Variants in CAMK2G observed in about 807,000 individuals in gnomAD.
CAMK2G encodes calcium/calmodulin dependent protein kinase II gamma.
CAMK2G carries 23 observed loss-of-function variants against 88.7 expected under a neutral mutation model. That is an observed-to-expected ratio of 0.26 (90% CI 0.19 to 0.37). CAMK2G has a LOEUF of 0.37. Ranked by LOEUF, CAMK2G falls within the 10% of genes least tolerant of loss-of-function variation. The probability of loss-of-function intolerance (pLI) is 1.00; values close to 1 mark genes in which losing one functional copy is unlikely to be tolerated. For missense variants in CAMK2G, 476 were observed against 780.8 expected, an observed-to-expected ratio of 0.61 and a Z score of 4.65; for synonymous variants, 263 against 294.8, an observed-to-expected ratio of 0.89 and a Z score of 1.11.
chr10:73,874,440 T>G lies in CAMK2G; in HGVS notation c.22A>C (p.Thr8Pro). The G allele has an allele frequency of 6.6e-7, 1 of 1,521,190 alleles. No individual in the cohort carries two copies. The highest frequency in any genetic ancestry group is 8.9e-7 in the Non-Finnish European group (1 of 1,125,808). The allele number at this position is 1,521,190 out of a possible 1,614,324, so 94.2% of individuals were successfully genotyped here. A position where few individuals can be genotyped will look rare whatever the true frequency, so the allele number is the denominator to read the frequency against. The change falls in exon 1 of 23, where the codon ACC (threonine) becomes CCC (proline). Residue 8 changes from threonine to proline, a missense_variant. Around this residue, in one of 3 missense-constraint regions of CAMK2G, gnomAD observed 34 missense variants for 28.7 expected, o/e 1.19. Coordinates refer to ENST00000423381, the MANE Select transcript of CAMK2G (RefSeq NM_001367534.1). MATTATCTRFTDDYQLFE... is the reference protein window; with the variant it reads MATTATCPRFTDDYQLFE... ...AGCTGGTAGTCGTCGGTGAAACGGG[T>G]GCAGGTGGCGGTGGTGGCCATGCTG...
chr10:73,828,894 C>T (rs1165671984), intron 14 of CAMK2G, among the ~76,000 whole-genome samples: 1 of 152,112 alleles, frequency 6.6e-6, no homozygotes, highest in Non-Finnish European at 1.5e-5. Flanking sequence ...GTGAAACAGA[C>T]GCATCAAGAT....
At chr10:73,854,041 C>G (rs139598112) in intron 3 of CAMK2G, among the ~76,000 whole-genome samples, 1 of 152,234 alleles carries the variant, frequency 6.6e-6, no homozygotes, top group African/African-American at 2.4e-5. Flanking sequence ...TAACAAAGGC[C>G]AAAGAGCTTC....
intron 2 of CAMK2G, among the ~76,000 whole-genome samples, chr10:73,871,642 G>C (rs904096867): frequency 6.6e-6 from 1 of 152,042 alleles, no homozygotes; most frequent in East Asian, 1.9e-4. Flanking sequence ...CCACTCCAGG[G>C]TATCTGACTG....
At chr10:73,827,703 A>G (rs2091423090) in intron 15 of CAMK2G, among the ~76,000 whole-genome samples, 1 of 152,154 alleles carries the variant, frequency 6.6e-6, no homozygotes, top group African/African-American at 2.4e-5. Context: ...CCCACCACAC[A>G]GTTGCCCTCC....
At chr10:73,864,416 T>C (rs959640235) in intron 2 of CAMK2G, among the ~76,000 whole-genome samples, 1 of 151,884 alleles carries the variant, frequency 6.6e-6, no homozygotes, top group African/African-American at 2.4e-5. Flanking sequence ...GACACTCTAG[T>C]GGGTTGTGTA....
chr10:73,858,215 T>TCTGACCACAGGCAGGG (rs774894306), intron 3 of CAMK2G, among the ~76,000 whole-genome samples: 27 of 152,326 alleles, frequency 1.8e-4, no homozygotes, highest in African/African-American at 5.1e-4. Flanking sequence ...TGCCTCCGAG[T>TCTGACCACAGGCAGGG]CTGACCACAG....
intron 14 of CAMK2G, among the ~76,000 whole-genome samples, chr10:73,828,438 C>T (rs974789032): frequency 2.0e-5 from 3 of 152,154 alleles, no homozygotes; most frequent in African/African-American, 4.8e-5. Context: ...GGTTAAGTAT[C>T]ATTTTGCTAC....
At chr10:73,826,531 C>G (rs1171257119) in intron 15 of CAMK2G, among the ~76,000 whole-genome samples, 2 of 152,148 alleles carry the variant, frequency 1.3e-5, no homozygotes, top group Non-Finnish European at 2.9e-5. Flanking sequence ...AGGCTGATCT[C>G]CAGGGCAGGG....
At chr10:73,845,592 A>G (rs12217834) in intron 10 of CAMK2G, among the ~76,000 whole-genome samples, 24,050 of 151,010 alleles carry the variant, frequency 0.16, 2,149 homozygotes, top group South Asian at 0.25. Flanking sequence ...AAAAAAAAAA[A>G]AGAGAAAACC....
chr10:73,873,666 C>T (rs1036004002), intron 1 of CAMK2G: 2 of 318,488 alleles, frequency 6.3e-6, no homozygotes, highest in African/African-American at 5.1e-5. Flanking sequence ...CCTTCCCATG[C>T]TATTTTCCTT....
Position 73,839,646 on chromosome 10 carries a change from C to CG in CAMK2G, c.947-46dup. The CG allele has an allele frequency of 8.7e-7, 1 of 1,150,344 alleles. No individual in the cohort carries two copies. Among genetic ancestry groups the CG allele is most frequent in the Non-Finnish European group, 1.1e-6 (1 of 912,402 alleles). The allele number at this position is 1,150,344 out of a possible 1,614,324, so 71.3% of individuals were successfully genotyped here. A position where few individuals can be genotyped will look rare whatever the true frequency, so the allele number is the denominator to read the frequency against. ...CAGTGCACAGAGCCCCGCAAAGCCA[C>CG]GGGGCCGTCAGCAGCGAGCATGCCC... On this transcript the variant is annotated intron_variant, in intron 12 of 22. Coordinates refer to ENST00000423381, the MANE Select transcript of CAMK2G (RefSeq NM_001367534.1). The surrounding 1 kb of genome is among the most constrained non-coding windows in gnomAD (Gnocchi z 4.2).
chr10:73,833,920 T>G (rs1195632118), intron 14 of CAMK2G, among the ~76,000 whole-genome samples: 1 of 128,056 alleles, frequency 7.8e-6, no homozygotes, highest in Non-Finnish European at 1.6e-5. Flanking sequence ...TTTTTTTTTT[T>G]TTTTTTTTTT....
chr10:73,835,722 A>G (rs2093121401), intron 14 of CAMK2G, among the ~76,000 whole-genome samples: 1 of 152,172 alleles, frequency 6.6e-6, no homozygotes, highest in Admixed American at 6.5e-5. Context: ...TTTGACATCA[A>G]TCTACCACAC....
intron 14 of CAMK2G, among the ~76,000 whole-genome samples, chr10:73,832,457 C>T (rs2092604976): frequency 6.6e-6 from 1 of 152,118 alleles, no homozygotes; most frequent in African/African-American, 2.4e-5. Flanking sequence ...CAGGCACGCA[C>T]CACCACGCCC....
intron 14 of CAMK2G, among the ~76,000 whole-genome samples, chr10:73,836,838 C>G (rs1417972016): frequency 6.6e-6 from 1 of 152,218 alleles, no homozygotes; most frequent in Admixed American, 6.5e-5. Context: ...CCATTCCCAG[C>G]AGGGCTCCTG....
intron 12 of CAMK2G, among the ~76,000 whole-genome samples, chr10:73,840,027 C>T (rs951511348): frequency 6.6e-6 from 1 of 152,144 alleles, no homozygotes; most frequent in Non-Finnish European, 1.5e-5. Flanking sequence ...GTGCCGGGGG[C>T]GCAGAGCAGC....
At chr10:73,867,369 G>T (rs1267633063) in intron 2 of CAMK2G, among the ~76,000 whole-genome samples, 1 of 152,244 alleles carries the variant, frequency 6.6e-6, no homozygotes, top group Non-Finnish European at 1.5e-5. Context: ...GCTCTCAAGG[G>T]CCAGAAAAGG....
intron 16 of CAMK2G, among the ~76,000 whole-genome samples, 178 bp downstream of exon 16, chr10:73,825,101 C>T (rs774262096): frequency 1.3e-5 from 2 of 152,166 alleles, no homozygotes; most frequent in Non-Finnish European, 1.5e-5. Context: ...GGATGGAGCG[C>T]GGCCAGGCGG....
intron 19 of CAMK2G, chr10:73,818,452 G>A (rs1475564753): frequency 8.7e-6 from 3 of 343,178 alleles, no homozygotes; most frequent in African/African-American, 4.3e-5. Flanking sequence ...CTTGGGTTGA[G>A]CTTGGGCTCA....
Sources: gnomAD v4.1 joint callset for allele counts (sites outside exome capture counted in the v4.1 genomes callset) on GRCh38, gnomAD v4.1.1 for gene constraint, gnomAD v4.1.1 regional missense constraint, Gnocchi (gnomAD v3.1) non-coding constraint, MANE v1.5 for transcripts, NCBI Gene and HGNC (gene_info 2026-07-23, HGNC 2026-07-21) for gene names.